Variants in NRXN3 observed in about 807,000 individuals in gnomAD.
The protein encoded by NRXN3 is neurexin 3, also known as neurexin III.
In NRXN3, 32 loss-of-function variants were observed where a neutral mutation model predicts 137.6. The observed-to-expected ratio is 0.23, with a 90% CI of 0.18 to 0.31. NRXN3 has a LOEUF of 0.31. Among genes scored for constraint, NRXN3 ranks in the 10% least tolerant of loss-of-function variants. The pLI is 1.00. For missense variants in NRXN3, 1,574 were observed against 2,062.5 expected, an observed-to-expected ratio of 0.76 and a Z score of 4.59; for synonymous variants, 798 against 784.5, an observed-to-expected ratio of 1.02 and a Z score of -0.29.
At position 79,861,852 on chromosome 14, in the gene NRXN3, A is replaced by G; in HGVS notation, c.4604A>G (p.Asn1535Ser). The part of the protein sequence containing the change: ...EGSYQVDETR[N>S]YISNSAQSNG... ...TCCTATCAAGTGGACGAGACGCGGA[A>G]CTACATCAGCAACTCCGCCCAGAGC... The change falls in exon 21 of 21, where the codon AAC becomes AGC. Residue 1535 changes from asparagine to serine, a missense_variant. Asn to Ser is a conservative substitution (Grantham distance 46). This residue lies in a region of NRXN3 where 320 missense variants were observed against 387.1 expected (regional missense o/e 0.83). Coordinates refer to ENST00000335750, the MANE Select transcript of NRXN3 (RefSeq NM_001330195.2). The surrounding 1 kb of genome is among the most constrained non-coding windows in gnomAD (Gnocchi z 5.4). The G allele has an allele frequency of 1.2e-6, 2 of 1,614,162 alleles. No individual in the cohort carries two copies. The highest frequency in any genetic ancestry group is 1.7e-6 in the Non-Finnish European group (2 of 1,180,030).
intron 15 of NRXN3, among the ~76,000 whole-genome samples, chr14:79,110,522 G>T (rs907055240): frequency 6.6e-6 from 1 of 152,204 alleles, no homozygotes; most frequent in Non-Finnish European, 1.5e-5. Flanking sequence ...GCTTAGAATG[G>T]TGCATACCAT....
intron 15 of NRXN3, among the ~76,000 whole-genome samples, chr14:79,270,531 C>T (rs2079145652): frequency 6.6e-6 from 1 of 152,070 alleles, no homozygotes; most frequent in African/African-American, 2.4e-5. Flanking sequence ...GCTCTCTGGC[C>T]CTGGAATTTA....
intron 15 of NRXN3, among the ~76,000 whole-genome samples, chr14:79,353,995 T>C (rs1250872692): frequency 3.3e-5 from 5 of 152,230 alleles, no homozygotes; most frequent in African/African-American, 9.6e-5. Context: ...GTAGGGCTGG[T>C]TTCTATAACA....
At chr14:79,698,183 T>C (rs1228961103) in intron 19 of NRXN3, among the ~76,000 whole-genome samples, 1 of 152,024 alleles carries the variant, frequency 6.6e-6, no homozygotes, top group Non-Finnish European at 1.5e-5. Flanking sequence ...AAAGCTGTTA[T>C]TCAAAACGAG....
intron 15 of NRXN3, among the ~76,000 whole-genome samples, chr14:79,398,577 GGGCAATCATATTTCT>G (rs1277308210): frequency 1.3e-5 from 2 of 151,718 alleles, no homozygotes; most frequent in African/African-American, 4.8e-5. Flanking sequence ...CCTAGAGGCT[GGGCAATCATATTTCT>G]AGCAAAACTC....
chr14:78,513,414 AG>A (rs1367967358), intron 4 of NRXN3, among the ~76,000 whole-genome samples: 1 of 152,166 alleles, frequency 6.6e-6, no homozygotes, highest in Non-Finnish European at 1.5e-5. Flanking sequence ...AAGGAAGGGT[AG>A]ATTAGAGAGC....
At chr14:79,487,584 C>A (rs1330037560) in intron 16 of NRXN3, among the ~76,000 whole-genome samples, 3 of 152,196 alleles carry the variant, frequency 2.0e-5, no homozygotes, top group African/African-American at 7.2e-5. Flanking sequence ...CAAAGCAAAG[C>A]ATCTCCTCTC....
chr14:78,393,267 G>A, intron 4 of NRXN3, among the ~76,000 whole-genome samples: 1 of 151,680 alleles, frequency 6.6e-6, no homozygotes, highest in Non-Finnish European at 1.5e-5. Flanking sequence ...AAATAATATA[G>A]CAAGATCCCA....
chr14:78,894,006 T>C (rs1597088351), intron 10 of NRXN3, among the ~76,000 whole-genome samples: 1 of 151,954 alleles, frequency 6.6e-6, no homozygotes, highest in East Asian at 1.9e-4. Context: ...GATGATAATC[T>C]GAGCATACAG....
chr14:79,358,585 G>GAGAAAGAAAGAAAGAA (rs1216743218), intron 15 of NRXN3, among the ~76,000 whole-genome samples: 1 of 78,056 alleles, frequency 1.3e-5, no homozygotes, highest in African/African-American at 4.7e-5. Context: ...GAAAGAAAGA[G>GAGAAAGAAAGAAAGAA]AGAAAGAAAG....
At chr14:78,417,914 G>A (rs750358429) in intron 4 of NRXN3, among the ~76,000 whole-genome samples, 6 of 152,118 alleles carry the variant, frequency 3.9e-5, no homozygotes, top group East Asian at 1.9e-4. Flanking sequence ...ATGCCACCAC[G>A]CCCAGCTAAT....
chr14:78,419,957 G>GCGCGCACACA (rs1371938439), intron 4 of NRXN3, among the ~76,000 whole-genome samples: 10 of 48,082 alleles, frequency 2.1e-4, no homozygotes, highest in African/African-American at 8.8e-4. Flanking sequence ...GCGCGCGCGC[G>GCGCGCACACA]CACGCACACA....
intron 2 of NRXN3, among the ~76,000 whole-genome samples, chr14:78,262,710 A>C (rs989731644): frequency 6.6e-6 from 1 of 152,172 alleles, no homozygotes; most frequent in Non-Finnish European, 1.5e-5. Context: ...TCTGCTCTTC[A>C]GCTGTTGTTG....
chr14:78,813,308 A>AT (rs2098920461), intron 10 of NRXN3, among the ~76,000 whole-genome samples: 1 of 152,142 alleles, frequency 6.6e-6, no homozygotes, highest in Admixed American at 6.5e-5. Flanking sequence ...TATTGACTCC[A>AT]TGTCAGATTT....
At chr14:79,029,047 A>G (rs8008781) in intron 15 of NRXN3, among the ~76,000 whole-genome samples, 1 of 150,990 alleles carries the variant, frequency 6.6e-6, no homozygotes, top group African/African-American at 2.4e-5. Context: ...GGCAAGGAAG[A>G]AAGCAAGGAA....
chr14:79,082,337 T>C (rs1460088338), intron 15 of NRXN3, among the ~76,000 whole-genome samples: 1 of 151,684 alleles, frequency 6.6e-6, no homozygotes, highest in African/African-American at 2.4e-5. Context: ...CTTCTATTTT[T>C]AAAAGGAGTG....
At chr14:79,435,139 G>C (rs944562117) in intron 15 of NRXN3, among the ~76,000 whole-genome samples, 3 of 152,158 alleles carry the variant, frequency 2.0e-5, no homozygotes, top group African/African-American at 7.2e-5. Context: ...GAATGCCCCT[G>C]GCAGTCCACT....
At chr14:79,731,178 G>A (rs1458380595) in intron 19 of NRXN3, among the ~76,000 whole-genome samples, 1 of 152,068 alleles carries the variant, frequency 6.6e-6, no homozygotes, top group Non-Finnish European at 1.5e-5. Flanking sequence ...ACAAGCCACA[G>A]CCACTGTTCT....
chr14:78,613,578 G>GTT lies in NRXN3; in HGVS notation c.758-31518_758-31517dup, dbSNP rs57745190. Among the ~76,000 whole-genome samples, 620 of 95,076 alleles carry GTT rather than the reference G, an allele frequency of 6.5e-3. 8 individuals carry two copies. Among genetic ancestry groups the GTT allele is most frequent in the East Asian group, 0.028 (81 of 2,844 alleles). 62.4% of individuals were successfully genotyped at this position (95,076 alleles called of 152,430 possible). ...AGGAGAAAACTGTCTCACAACCATAGTTTTTTTTTTTTTTTTTTTTTTTTT... is the reference window on the plus strand; with the variant it reads ...AGGAGAAAACTGTCTCACAACCATAGTTTTTTTTTTTTTTTTTTTTTTTTTTT... On this transcript the variant is annotated intron_variant, in intron 4 of 20. Coordinates refer to ENST00000335750, the MANE Select transcript of NRXN3 (RefSeq NM_001330195.2).
Sources: allele counts gnomAD v4.1 joint callset (sites outside exome capture counted in the v4.1 genomes callset), GRCh38; gene constraint gnomAD v4.1.1; regional missense constraint gnomAD v4.1.1; non-coding constraint Gnocchi (gnomAD v3.1); transcripts MANE v1.5; gene names NCBI Gene and HGNC (gene_info 2026-07-23, HGNC 2026-07-21).